CELF4: variants seen among roughly 807,000 people sequenced by gnomAD.
CELF4 encodes the protein CUGBP Elav-like family member 4, also known as CUG-BP- and ETR-3-like factor 4.
Under a neutral mutation model 59.9 loss-of-function variants are expected in CELF4, and 18 were observed. The observed-to-expected ratio is 0.30, with a 90% CI of 0.21 to 0.45. CELF4 has a LOEUF of 0.45. CELF4 is among the 20% of genes least tolerant of loss of function. CELF4 has a pLI of 1.00. For missense variants in CELF4, 456 were observed against 689.0 expected (o/e 0.66, Z 3.79); for synonymous variants, 261 against 267.1 (o/e 0.98, Z 0.22).
chr18:37,279,521 G>A (rs1336110222), intron 3 of CELF4, among the ~76,000 whole-genome samples: 3 of 152,214 alleles, frequency 2.0e-5, no homozygotes, highest in African/African-American at 7.2e-5. Flanking sequence ...AGCAAGGGGA[G>A]CAAGCATGTT....
At chr18:37,283,183 CA>C (rs2094354584) in intron 3 of CELF4, among the ~76,000 whole-genome samples, 1 of 151,846 alleles carries the variant, frequency 6.6e-6, no homozygotes. Context: ...CGCTGCCTTC[CA>C]GATACTTCAG....
intron 1 of CELF4, among the ~76,000 whole-genome samples, chr18:37,507,309 G>A (rs1603642942): frequency 6.6e-6 from 1 of 152,196 alleles, no homozygotes; most frequent in Admixed American, 6.5e-5. Context: ...GGGTGCATTT[G>A]TATTTGTCTA....
At chr18:37,322,159 C>G (rs1277488912) in intron 2 of CELF4, among the ~76,000 whole-genome samples, 1 of 152,216 alleles carries the variant, frequency 6.6e-6, no homozygotes, top group Non-Finnish European at 1.5e-5. Flanking sequence ...CTCCTACTAG[C>G]CTTTGATATC....
chr18:37,451,331 C>T lies in CELF4; in HGVS notation c.369+34194G>A, dbSNP rs374389080. On this transcript the variant is annotated intron_variant, in intron 2 of 12. Coordinates refer to ENST00000420428, the MANE Select transcript of CELF4 (RefSeq NM_020180.4). ...TACGAACGTAGTGTGTCTGTGTATACGTGTGTGCTTCTGTGTGTCTGTGTG... is the reference window on the plus strand; with the variant it reads ...TACGAACGTAGTGTGTCTGTGTATATGTGTGTGCTTCTGTGTGTCTGTGTG... Among the ~76,000 whole-genome samples, 34 of 151,880 alleles carry T rather than the reference C, an allele frequency of 2.2e-4. No homozygotes were observed. The East Asian group carries it at 5.2e-3, about 23-fold the overall frequency.
intron 1 of CELF4, among the ~76,000 whole-genome samples, chr18:37,534,976 T>C (rs1431227240): frequency 6.6e-6 from 1 of 152,194 alleles, no homozygotes; most frequent in East Asian, 1.9e-4. Flanking sequence ...TGAGGTGCCA[T>C]GTCCCAAAGG....
At chr18:37,316,892 C>T (rs1245812126) in intron 3 of CELF4, among the ~76,000 whole-genome samples, 7 of 152,142 alleles carry the variant, frequency 4.6e-5, no homozygotes, top group South Asian at 2.1e-4. Context: ...TCTAGGCCAC[C>T]CAGAGTCCGA....
chr18:37,305,293 G>A (rs374899356), intron 3 of CELF4: 1 of 152,152 alleles, frequency 6.6e-6, no homozygotes, highest in African/African-American at 2.4e-5. Flanking sequence ...CGGGGGCTTG[G>A]GGCGCCGCGC....
chr18:37,397,135 A>C (rs1374840383), intron 2 of CELF4, among the ~76,000 whole-genome samples: 2 of 152,094 alleles, frequency 1.3e-5, no homozygotes, highest in Admixed American at 6.5e-5. Context: ...CATGCCTCCC[A>C]GACATTATAA....
At chr18:37,345,698 A>T (rs2098229772) in intron 2 of CELF4, among the ~76,000 whole-genome samples, 1 of 152,084 alleles carries the variant, frequency 6.6e-6, no homozygotes, top group Admixed American at 6.5e-5. Flanking sequence ...ACCCCACCTC[A>T]AGAACCTTTT....
intron 2 of CELF4, among the ~76,000 whole-genome samples, chr18:37,399,523 C>T (rs1043931300): frequency 1.3e-5 from 2 of 152,166 alleles, no homozygotes; most frequent in South Asian, 2.1e-4. Flanking sequence ...AAATGGACTA[C>T]GACAATCACC....
intron 2 of CELF4, among the ~76,000 whole-genome samples, chr18:37,414,263 C>T (rs1277703942): frequency 2.0e-5 from 3 of 151,850 alleles, no homozygotes; most frequent in Non-Finnish European, 4.4e-5. Flanking sequence ...TTCATACTTG[C>T]ATACATGCCT....
At chr18:37,368,188 G>T (rs185335051) in intron 2 of CELF4, among the ~76,000 whole-genome samples, 2 of 152,086 alleles carry the variant, frequency 1.3e-5, no homozygotes, top group Non-Finnish European at 2.9e-5. Flanking sequence ...TCCTTCGGGC[G>T]AGAACTCAGC....
intron 1 of CELF4, among the ~76,000 whole-genome samples, chr18:37,494,575 G>A (rs2099922802): frequency 1.3e-5 from 2 of 152,208 alleles, no homozygotes; most frequent in Non-Finnish European, 1.5e-5. Flanking sequence ...TTGCCAGAGT[G>A]CTGTCATGTG....
At chr18:37,515,012 T>C (rs2099949054) in intron 1 of CELF4, among the ~76,000 whole-genome samples, 1 of 152,210 alleles carries the variant, frequency 6.6e-6, no homozygotes, top group East Asian at 1.9e-4. Context: ...GGAACATAAT[T>C]TAGATACTTT....
At chr18:37,320,164 C>T (rs2097049885) in intron 3 of CELF4, among the ~76,000 whole-genome samples, 1 of 152,112 alleles carries the variant, frequency 6.6e-6, no homozygotes, top group Admixed American at 6.5e-5. Context: ...AGTGAAACCC[C>T]ATCTCTACTA....
intron 2 of CELF4, among the ~76,000 whole-genome samples, chr18:37,450,951 T>C (rs553215094): frequency 6.6e-6 from 1 of 152,164 alleles, no homozygotes; most frequent in Non-Finnish European, 1.5e-5. Flanking sequence ...CTTGTGGACC[T>C]GCCAAAGCCC....
chr18:37,471,520 C>A (rs1424331548), intron 2 of CELF4, among the ~76,000 whole-genome samples: 41 of 152,112 alleles, frequency 2.7e-4, no homozygotes. Context: ...CCTGCTGTCA[C>A]CTCACTGGAG....
At chr18:37,459,566 C>T (rs1255855520) in intron 2 of CELF4, among the ~76,000 whole-genome samples, 1 of 152,082 alleles carries the variant, frequency 6.6e-6, no homozygotes, top group Non-Finnish European at 1.5e-5. Flanking sequence ...GAGGACTGGA[C>T]AGCAGTTTGG....
chr18:37,461,526 C>G (rs2099793512), intron 2 of CELF4, among the ~76,000 whole-genome samples: 1 of 152,228 alleles, frequency 6.6e-6, no homozygotes, highest in Non-Finnish European at 1.5e-5. Context: ...AATTACCTCC[C>G]ACCAGGTCCC....
Sources: gnomAD v4.1 joint callset for allele counts (sites outside exome capture counted in the v4.1 genomes callset) on GRCh38, gnomAD v4.1.1 for gene constraint, MANE v1.5 for transcripts, NCBI Gene and HGNC (gene_info 2026-07-23, HGNC 2026-07-21) for gene names.